Variants in MYH11 observed in about 807,000 individuals in gnomAD.
The protein encoded by MYH11 is myosin heavy chain 11.
MYH11 carries 80 observed loss-of-function variants against 246.6 expected under a neutral mutation model. That is an observed-to-expected ratio of 0.32 (90% CI 0.27 to 0.39). The LOEUF is 0.39. Among genes scored for constraint, MYH11 ranks in the 10% least tolerant of loss-of-function variants. The probability of loss-of-function intolerance (pLI) is 1.00; values close to 1 mark genes in which losing one functional copy is unlikely to be tolerated. For synonymous variants in MYH11, 1,071 were observed against 1,015.5 expected (o/e 1.05, Z -1.04); for missense variants, 2,158 against 2,546.8 (o/e 0.85, Z 3.29).
chr16:15,852,689 A>G (rs1464496633), intron 1 of MYH11, among the ~76,000 whole-genome samples: 1 of 152,146 alleles, frequency 6.6e-6, no homozygotes, highest in Non-Finnish European at 1.5e-5. Flanking sequence ...TTAGATACGC[A>G]TGCCCTTTAA....
At chr16:15,851,260 C>A (rs893820051) in intron 1 of MYH11, among the ~76,000 whole-genome samples, 1 of 152,056 alleles carries the variant, frequency 6.6e-6, no homozygotes, top group African/African-American at 2.4e-5. Flanking sequence ...CTTGGCAGGT[C>A]CCCAGTAGTA....
At chr16:15,800,049 C>A (rs996418001) in intron 3 of MYH11, among the ~76,000 whole-genome samples, 1 of 144,624 alleles carries the variant, frequency 6.9e-6, no homozygotes, top group Non-Finnish European at 1.5e-5. Context: ...GATGAATAGA[C>A]AGATGGACGG....
Position 15,750,019 on chromosome 16 carries a change from C to G in MYH11, c.2058+119G>C, listed in dbSNP as rs761032565. 8.1e-7 allele frequency: 1 copy of G among 1,238,822 alleles called. No homozygotes were observed. Among genetic ancestry groups the G allele is most frequent in the Non-Finnish European group, 1.2e-6 (1 of 868,160 alleles). The allele number at this position is 1,238,822 out of a possible 1,614,324, so 76.7% of individuals were successfully genotyped here. On this transcript the variant is annotated intron_variant, in intron 16 of 40. Transcript: ENST00000300036. The surrounding 1 kb of genome is among the most constrained non-coding windows in gnomAD (Gnocchi z 4.3). ...TGGGTCTGAGATTCAGATAGCCTTC[C>G]CCACATGGAAAATGGGGTCCTCGGG...
At chr16:15,704,773 A>G (rs1328660316) in intron 40 of MYH11, among the ~76,000 whole-genome samples, 8 of 152,250 alleles carry the variant, frequency 5.3e-5, no homozygotes, top group Admixed American at 3.3e-4. Context: ...ATCGTGGAAC[A>G]TACCGCACAT....
Position 15,724,339 on chromosome 16 carries a change from C to T in MYH11, c.4187G>A (p.Arg1396Lys), listed in dbSNP as rs755794886. ...GAGGTTCTCGATCTCCTTCTGGAACCTCTTCTTCCCCTCTTCCAGAGCTTC... is the reference window on the plus strand; with the variant it reads ...GAGGTTCTCGATCTCCTTCTGGAACTTCTTCTTCCCCTCTTCCAGAGCTTC... ...TVEALEEGKK[R>K]FQKEIENLTQ... Residue 1396 changes from arginine (R) to lysine (K), a missense_variant, in exon 31 of 41, where the codon AGG becomes AAG. Physicochemically the swap from Arg to Lys is conservative, Grantham distance 26 (BLOSUM62 2). Coordinates refer to ENST00000300036, the MANE Select transcript of MYH11 (RefSeq NM_002474.3). 6.8e-6 allele frequency: 11 copies of T among 1,614,018 alleles called. No homozygotes were observed. In the East Asian group the frequency reaches 2.2e-4, roughly 33 times the overall value.
At chr16:15,753,178 C>T (rs1162273528) in intron 15 of MYH11, among the ~76,000 whole-genome samples, 1 of 152,122 alleles carries the variant, frequency 6.6e-6, no homozygotes, top group Non-Finnish European at 1.5e-5. Flanking sequence ...CTCAGGACCT[C>T]AATCCCCTCG....
rs144813247 is a variant in MYH11 at position 15,719,673 on chromosome 16, C to A, written c.4994G>T (p.Arg1665Leu). 5.6e-5 allele frequency: 91 copies of A among 1,614,062 alleles called. No homozygotes were observed. Among genetic ancestry groups the A allele is most frequent in the Non-Finnish European group, 6.9e-5 (82 of 1,180,040 alleles). Residue 1665 changes from arginine (R) to leucine (L), a missense_variant, in exon 35 of 41, where the codon CGT (arginine) becomes CTT (leucine). Transcript: ENST00000300036. ...GGCAAAGATCTCATCTCTGGAGGCA[C>A]GGGCATCTTCCAGCTCTCTTTGAAA... The part of the protein sequence containing the change: ...KDFQRELEDA[R>L]ASRDEIFATA...
At chr16:15,823,103 G>A in intron 3 of MYH11, 152 bp downstream of exon 3, 1 of 1,138,102 alleles carries the variant, frequency 8.8e-7, no homozygotes, top group Non-Finnish European at 1.3e-6. Flanking sequence ...TGCAAACACA[G>A]ATGTTCCTTT....
intron 6 of MYH11, among the ~76,000 whole-genome samples, chr16:15,779,922 A>G (rs1308301020): frequency 6.6e-6 from 1 of 152,228 alleles, no homozygotes; most frequent in East Asian, 1.9e-4. Context: ...GTGTGTGGAC[A>G]CAATCCCCTA....
chr16:15,846,089 C>G (rs1176663817), intron 1 of MYH11, among the ~76,000 whole-genome samples: 2 of 151,872 alleles, frequency 1.3e-5, no homozygotes, highest in African/African-American at 2.4e-5. Context: ...ACAGAGTCAG[C>G]CTCCATCTCA....
chr16:15,742,077 T>C, intron 20 of MYH11, 186 bp from the exon 21 acceptor site: 1 of 839,238 alleles, frequency 1.2e-6, no homozygotes, highest in Non-Finnish European at 1.9e-6. Flanking sequence ...ATCCAGTGGG[T>C]AGAGGCCAGG....
intron 30 of MYH11, 85 bp downstream of exon 30, chr16:15,724,562 A>G: frequency 6.2e-7 from 1 of 1,607,856 alleles, no homozygotes; most frequent in Non-Finnish European, 8.5e-7. Context: ...TCGCACCAAC[A>G]CTCCACCGCG....
At chr16:15,753,566 G>T in intron 14 of MYH11, 58 bp from the exon 15 acceptor site, 2 of 1,339,916 alleles carry the variant, frequency 1.5e-6, no homozygotes, top group Non-Finnish European at 2.1e-6. Context: ...TAGAAACCAA[G>T]GCCAGGACCC....
chr16:15,723,769 A>G (rs1188878470), intron 31 of MYH11, among the ~76,000 whole-genome samples: 1 of 152,206 alleles, frequency 6.6e-6, no homozygotes, highest in Non-Finnish European at 1.5e-5. Context: ...TTACAGAATG[A>G]AATCTTAGGG....
At chr16:15,771,815 C>G (rs1302305497) in intron 8 of MYH11, 103 bp from the exon 9 acceptor site, 2 of 1,464,498 alleles carry the variant, frequency 1.4e-6, no homozygotes, top group Middle Eastern at 1.8e-4. Flanking sequence ...ATTCCTTTCC[C>G]TTTATCAAGG....
At chr16:15,777,545 C>T (rs2042253616) in intron 7 of MYH11, among the ~76,000 whole-genome samples, 1 of 152,142 alleles carries the variant, frequency 6.6e-6, no homozygotes, top group Admixed American at 6.5e-5. Flanking sequence ...CTGGGGCTCG[C>T]TCTAAACACA....
At position 15,720,215 on chromosome 16, in the gene MYH11, T is replaced by C. The variant is rs1407081723; in HGVS notation, c.4889A>G (p.Glu1630Gly). The C allele has an allele frequency of 6.2e-7, 1 of 1,614,000 alleles. No homozygotes were observed. The highest frequency in any genetic ancestry group is 8.5e-7 in the Non-Finnish European group (1 of 1,180,028). ...KKLEGDLKDL[E>G]LQADSAIKGR... Reference sequence around the variant, plus strand: ...CTTGATGGCAGAGTCGGCCTGAAGCTCCAGGTCTTTCAGGTCCCCTTCCAG... The same window carrying C: ...CTTGATGGCAGAGTCGGCCTGAAGCCCCAGGTCTTTCAGGTCCCCTTCCAG... Residue 1630 changes from glutamate (E) to glycine (G), a missense_variant, in exon 34 of 41, where the codon GAG becomes GGG. By Grantham distance (98) the Glu-to-Gly change is moderately conservative. Coordinates refer to ENST00000300036, the MANE Select transcript of MYH11 (RefSeq NM_002474.3).
chr16:15,813,301 A>G (rs1393586919), intron 3 of MYH11, among the ~76,000 whole-genome samples: 4 of 152,090 alleles, frequency 2.6e-5, no homozygotes, highest in Admixed American at 6.6e-5. Context: ...GTGAGTTACA[A>G]TCGCACCATT....
At chr16:15,759,314 A>C (rs1294330952) in intron 12 of MYH11, among the ~76,000 whole-genome samples, 3 of 148,380 alleles carry the variant, frequency 2.0e-5, no homozygotes, top group Non-Finnish European at 4.5e-5. Context: ...GGAGGAAGGC[A>C]GAGAGAGAGA....
Sources: allele counts gnomAD v4.1 joint callset (sites outside exome capture counted in the v4.1 genomes callset), GRCh38; gene constraint gnomAD v4.1.1; non-coding constraint Gnocchi (gnomAD v3.1); transcripts MANE v1.5; gene names NCBI Gene and HGNC (gene_info 2026-07-23, HGNC 2026-07-21).